ZFPM2: variants seen among roughly 807,000 people sequenced by gnomAD.
ZFPM2 encodes the protein zinc finger protein, FOG family member 2.
Under a neutral mutation model 98.6 loss-of-function variants are expected in ZFPM2, and 20 were observed. The observed-to-expected ratio is 0.20, with a 90% CI of 0.14 to 0.29. The LOEUF is 0.29. Ranked by LOEUF, ZFPM2 falls within the 10% of genes least tolerant of loss-of-function variation. The probability of loss-of-function intolerance (pLI) is 1.00; values close to 1 mark genes in which losing one functional copy is unlikely to be tolerated. For synonymous variants in ZFPM2, 518 were observed against 502.7 expected (o/e 1.03, Z -0.41); for missense variants, 1,310 against 1,388.6 (o/e 0.94, Z 0.90).
intron 1 of ZFPM2, among the ~76,000 whole-genome samples, chr8:105,386,906 TTC>T (rs1811002469): frequency 6.6e-6 from 1 of 152,126 alleles, no homozygotes; most frequent in African/African-American, 2.4e-5. Flanking sequence ...GACACAAAAG[TTC>T]TCCACGTCCC....
At chr8:105,622,693 C>G (rs549484543) in intron 4 of ZFPM2, among the ~76,000 whole-genome samples, 2 of 152,096 alleles carry the variant, frequency 1.3e-5, no homozygotes, top group African/African-American at 4.8e-5. Context: ...ATTGTCACTC[C>G]CAAGGAAAGC....
intron 5 of ZFPM2, among the ~76,000 whole-genome samples, chr8:105,782,991 T>C (rs530949536): frequency 6.6e-6 from 1 of 151,910 alleles, no homozygotes. Flanking sequence ...GAAACTCAGA[T>C]CAATCAAGTA....
intron 4 of ZFPM2, among the ~76,000 whole-genome samples, chr8:105,586,713 G>A (rs1304034147): frequency 6.6e-6 from 1 of 151,884 alleles, no homozygotes; most frequent in Non-Finnish European, 1.5e-5. Context: ...GAGCCACCAT[G>A]CCTGATGTTG....
chr8:105,444,322 A>C lies in ZFPM2; in HGVS notation c.242A>C (p.Asp81Ala). Residue 81 changes from aspartate (D) to alanine (A), a missense_variant, in exon 3 of 8, where the codon GAC becomes GCC. Transcript: ENST00000407775. The stretch of plus-strand genomic sequence containing the variant: ...CAGGAGACAGCAGAATCAGATGGGG[A>C]CACACAGTCAGAGAAACCGGGGCAA... ...GIQETAESDG[D>A]TQSEKPGQPG... 6.2e-7 allele frequency: 1 copy of C among 1,612,496 alleles called. No individual in the cohort carries two copies. Among genetic ancestry groups the C allele is most frequent in the Non-Finnish European group, 8.5e-7 (1 of 1,179,292 alleles).
intron 5 of ZFPM2, among the ~76,000 whole-genome samples, chr8:105,702,648 G>A (rs1811164133): frequency 6.6e-6 from 1 of 152,182 alleles, no homozygotes; most frequent in Admixed American, 6.5e-5. Flanking sequence ...TAAAGAAATT[G>A]GTTGTTCATC....
At chr8:105,769,804 A>G (rs1449856838) in intron 5 of ZFPM2, among the ~76,000 whole-genome samples, 2 of 151,882 alleles carry the variant, frequency 1.3e-5, no homozygotes, top group African/African-American at 4.8e-5. Flanking sequence ...TTCTTCAGCA[A>G]TCTTCCACTC....
chr8:105,472,214 A>G lies in ZFPM2; in HGVS notation c.301+27833A>G, dbSNP rs530333964. Among the ~76,000 whole-genome samples, 10 of 152,350 alleles carry G rather than the reference A, an allele frequency of 6.6e-5. No individual in the cohort carries two copies. In the East Asian group the frequency reaches 1.9e-3, roughly 29 times the overall value. On this transcript the variant is annotated intron_variant, in intron 3 of 7. Transcript: ENST00000407775. Reference sequence around the variant, plus strand: ...TAATAATTAGTACATAGTTTTAAGAATAAGCAGAGTTATCCCTCTCATTAT... The same window carrying G: ...TAATAATTAGTACATAGTTTTAAGAGTAAGCAGAGTTATCCCTCTCATTAT...
At chr8:105,465,944 CA>C (rs1276808999) in intron 3 of ZFPM2, among the ~76,000 whole-genome samples, 1 of 151,890 alleles carries the variant, frequency 6.6e-6, no homozygotes, top group Non-Finnish European at 1.5e-5. Context: ...ATGAATTTAA[CA>C]AAATTTTTCT....
At chr8:105,479,063 A>T (rs1813066644) in intron 3 of ZFPM2, among the ~76,000 whole-genome samples, 1 of 152,198 alleles carries the variant, frequency 6.6e-6, no homozygotes, top group Non-Finnish European at 1.5e-5. Context: ...TTCTCTTTTA[A>T]GTGTTGTTCT....
intron 5 of ZFPM2, among the ~76,000 whole-genome samples, chr8:105,713,573 T>C (rs551785305): frequency 2.6e-5 from 4 of 152,244 alleles, no homozygotes; most frequent in Non-Finnish European, 5.9e-5. Flanking sequence ...TTTGAGGACT[T>C]AGTCATAAAT....
chr8:105,393,787 A>G (rs2129948431), intron 1 of ZFPM2, among the ~76,000 whole-genome samples: 1 of 152,306 alleles, frequency 6.6e-6, no homozygotes, highest in East Asian at 1.9e-4. Context: ...GGATGTTACA[A>G]TAATTAAAAT....
intron 3 of ZFPM2, among the ~76,000 whole-genome samples, chr8:105,491,263 T>C (rs1296689613): frequency 6.6e-6 from 1 of 152,132 alleles, no homozygotes; most frequent in Non-Finnish European, 1.5e-5. Flanking sequence ...AAGAACTGCA[T>C]CCTTTCATAG....
intron 1 of ZFPM2, among the ~76,000 whole-genome samples, chr8:105,350,273 A>C (rs560555117): frequency 5.5e-4 from 84 of 152,286 alleles, no homozygotes; most frequent in Non-Finnish European, 9.1e-4. Flanking sequence ...AGAGTCTGTT[A>C]AAGTGATTCA....
At chr8:105,688,792 C>T (rs1810807009) in intron 5 of ZFPM2, among the ~76,000 whole-genome samples, 1 of 152,136 alleles carries the variant, frequency 6.6e-6, no homozygotes, top group African/African-American at 2.4e-5. Flanking sequence ...GAATACATTA[C>T]ACTCTTCTCA....
At chr8:105,714,205 TGGGG>T (rs1811466257) in intron 5 of ZFPM2, among the ~76,000 whole-genome samples, 1 of 151,952 alleles carries the variant, frequency 6.6e-6, no homozygotes, top group Non-Finnish European at 1.5e-5. Flanking sequence ...AGGGTGTGTG[TGGGG>T]AGGGACAGGG....
intron 3 of ZFPM2, among the ~76,000 whole-genome samples, chr8:105,509,092 T>G (rs976019889): frequency 6.6e-6 from 1 of 152,112 alleles, no homozygotes; most frequent in African/African-American, 2.4e-5. Flanking sequence ...CAGCAACAAT[T>G]GATAGGAGAT....
At chr8:105,625,770 A>G (rs1185884685) in intron 4 of ZFPM2, among the ~76,000 whole-genome samples, 1 of 151,836 alleles carries the variant, frequency 6.6e-6, no homozygotes, top group African/African-American at 2.4e-5. Context: ...TTTAGTAGAG[A>G]CGGGGTTTCA....
chr8:105,678,786 G>A (rs1810532916), intron 5 of ZFPM2: 1 of 152,156 alleles, frequency 6.6e-6, no homozygotes, highest in Admixed American at 6.5e-5. Context: ...AAGCTACAGT[G>A]GCTGTGAAAT....
At chr8:105,677,015 G>T (rs1379688450) in intron 5 of ZFPM2, among the ~76,000 whole-genome samples, 1 of 151,916 alleles carries the variant, frequency 6.6e-6, no homozygotes, top group African/African-American at 2.4e-5. Context: ...ATTAAAGATG[G>T]ACTAGTTTTT....
Sources: gnomAD v4.1 joint callset for allele counts (sites outside exome capture counted in the v4.1 genomes callset) on GRCh38, gnomAD v4.1.1 for gene constraint, MANE v1.5 for transcripts, NCBI Gene and HGNC (gene_info 2026-07-23, HGNC 2026-07-21) for gene names.